Variants in NFILZ observed in about 807,000 individuals in gnomAD.
The protein encoded by NFILZ is NFIL3 like basic leucine zipper, also known as NFIL3 like protein.
chr19:8,656,304 C>CT (rs1316552025), intron 3 of NFILZ, among the ~76,000 whole-genome samples: 4,724 of 38,726 alleles, frequency 0.12, 906 homozygotes, highest in South Asian at 0.27. Context: ...CACCTCCTCC[C>CT]GCAGCGCACC....
chr19:8,663,740 G>GTGTGTGTGTATGTGTGTGTATGTGTGTA (rs2043046066), intron 3 of NFILZ, among the ~76,000 whole-genome samples: 14 of 131,646 alleles, frequency 1.1e-4, no homozygotes, highest in Non-Finnish European at 2.1e-4. Context: ...GTGTGTGTGT[G>GTGTGTGTGTATGTGTGTGTATGTGTGTA]TGTGTGTGTG....
intron 3 of NFILZ, among the ~76,000 whole-genome samples, chr19:8,646,110 C>T (rs782157777): frequency 2.0e-5 from 3 of 151,936 alleles, no homozygotes; most frequent in Non-Finnish European, 4.4e-5. Flanking sequence ...GATCTCGGCT[C>T]ACTACAACCT....
chr19:8,659,626 G>A (rs2043020647), intron 3 of NFILZ, among the ~76,000 whole-genome samples: 1 of 152,184 alleles, frequency 6.6e-6, no homozygotes, highest in Non-Finnish European at 1.5e-5. Context: ...AATCTGATAT[G>A]CATGGTAAAA....
At chr19:8,630,952 C>T (rs1399854904) in intron 1 of NFILZ, among the ~76,000 whole-genome samples, 12 of 152,114 alleles carry the variant, frequency 7.9e-5, no homozygotes, top group East Asian at 3.9e-4. Context: ...CTTGGATGCC[C>T]GGGTCGTGTT....
chr19:8,637,671 C>T (rs2042900762), intron 3 of NFILZ, among the ~76,000 whole-genome samples: 1 of 150,772 alleles, frequency 6.6e-6, no homozygotes, highest in African/African-American at 2.4e-5. Flanking sequence ...CTTTGGGAGG[C>T]TGAGGCATGT....
rs140160980 is a variant in NFILZ at position 8,658,223 on chromosome 19, C to T, written c.-163-16328C>T. Reference sequence around the variant, plus strand: ...GGTGTTACAACCACCACTTCCGAGCCGGGAGCTCCTGGGCCCAAGCCTCTT... The same window carrying T: ...GGTGTTACAACCACCACTTCCGAGCTGGGAGCTCCTGGGCCCAAGCCTCTT... On this transcript the variant is annotated intron_variant, in intron 3 of 5. Coordinates refer to ENST00000691075, the MANE Select transcript of NFILZ (RefSeq NM_001378600.1). Among the ~76,000 whole-genome samples, 1,259 of 152,260 alleles carry T rather than the reference C, an allele frequency of 8.3e-3. 18 individuals carry two copies. The highest frequency in any genetic ancestry group is 0.029 in the African/African-American group (1,203 of 41,538).
Position 8,680,161 on chromosome 19 carries a change from A to C in NFILZ, c.*2526A>C, listed in dbSNP as rs1229066229. Among the ~76,000 whole-genome samples, 1 of 147,248 alleles carries C rather than the reference A, an allele frequency of 6.8e-6. No homozygotes were observed. Among genetic ancestry groups the C allele is most frequent in the Non-Finnish European group, 1.5e-5 (1 of 67,278 alleles). On this transcript the variant is annotated 3_prime_UTR_variant, in exon 6 of 6. Transcript: ENST00000691075. ...CAGCGAGCTGAGATTGCACCACTGC[A>C]GTCCAGCCTGGGCGACAGAGCGAGA...
At chr19:8,664,398 C>A (rs964870383) in intron 3 of NFILZ, among the ~76,000 whole-genome samples, 1 of 150,138 alleles carries the variant, frequency 6.7e-6, no homozygotes, top group Non-Finnish European at 1.5e-5. Flanking sequence ...TCCTGGCACT[C>A]GGGACCCCAG....
At chr19:8,663,744 G>GTATGTGTGTGTA (rs1555749450) in intron 3 of NFILZ, among the ~76,000 whole-genome samples, 8 of 121,880 alleles carry the variant, frequency 6.6e-5, no homozygotes, top group African/African-American at 1.8e-4. Context: ...GTGTGTGTGT[G>GTATGTGTGTGTA]TGTGTGTGTG....
chr19:8,654,874 G>C (rs1014230193), intron 3 of NFILZ, among the ~76,000 whole-genome samples: 1 of 151,972 alleles, frequency 6.6e-6, no homozygotes, highest in African/African-American at 2.4e-5. Flanking sequence ...TCATCGCAAG[G>C]CTCCCACTCT....
chr19:8,644,654 G>A (rs1329559844), intron 3 of NFILZ, among the ~76,000 whole-genome samples: 1 of 151,008 alleles, frequency 6.6e-6, no homozygotes, highest in Non-Finnish European at 1.5e-5. Flanking sequence ...TTGTAGAGAT[G>A]GGGGTCTTAC....
At chr19:8,656,947 T>C (rs1210401354) in intron 3 of NFILZ, among the ~76,000 whole-genome samples, 2 of 152,112 alleles carry the variant, frequency 1.3e-5, no homozygotes, top group African/African-American at 2.4e-5. Context: ...CCAGTCACCG[T>C]GCTGAAGGTC....
At chr19:8,655,982 C>T (rs1384113776) in intron 3 of NFILZ, among the ~76,000 whole-genome samples, 1 of 151,966 alleles carries the variant, frequency 6.6e-6, no homozygotes, top group Non-Finnish European at 1.5e-5. Flanking sequence ...TCTCTGCTGC[C>T]CCATCCAAGC....
chr19:8,665,906 G>A (rs577102050), intron 3 of NFILZ, among the ~76,000 whole-genome samples: 10 of 152,264 alleles, frequency 6.6e-5, no homozygotes, highest in East Asian at 1.9e-4. Flanking sequence ...TCTTACACTC[G>A]CTGGAGAGTT....
intron 3 of NFILZ, among the ~76,000 whole-genome samples, chr19:8,645,738 G>A (rs1223971014): frequency 6.6e-6 from 1 of 152,124 alleles, no homozygotes; most frequent in Non-Finnish European, 1.5e-5. Flanking sequence ...AAGGATTGGG[G>A]CGTTAGCTGC....
At chr19:8,648,852 TAAA>T (rs71179876) in intron 3 of NFILZ, among the ~76,000 whole-genome samples, 3 of 139,166 alleles carry the variant, frequency 2.2e-5, no homozygotes, top group Non-Finnish European at 1.6e-5. Flanking sequence ...AGACTCTGCT[TAAA>T]AAAAAAAAAA....
At chr19:8,638,854 T>C (rs1261672247) in intron 3 of NFILZ, among the ~76,000 whole-genome samples, 1 of 150,892 alleles carries the variant, frequency 6.6e-6, no homozygotes, top group Non-Finnish European at 1.5e-5. Context: ...GTTTTTTTTT[T>C]TTTTTTTGAG....
At chr19:8,675,031 C>A (rs1384850962) in intron 4 of NFILZ, among the ~76,000 whole-genome samples, 1 of 152,144 alleles carries the variant, frequency 6.6e-6, no homozygotes, top group African/African-American at 2.4e-5. Context: ...AGGTTGTTTT[C>A]ATTCATGTGT....
At chr19:8,661,672 A>G (rs2043032482) in intron 3 of NFILZ, among the ~76,000 whole-genome samples, 1 of 152,178 alleles carries the variant, frequency 6.6e-6, no homozygotes, top group African/African-American at 2.4e-5. Flanking sequence ...AGGGTGGATC[A>G]TTTGAGGTCA....
Sources: gnomAD v4.1 joint callset for allele counts (sites outside exome capture counted in the v4.1 genomes callset) on GRCh38, gnomAD v4.1.1 for gene constraint, MANE v1.5 for transcripts, NCBI Gene and HGNC (gene_info 2026-07-23, HGNC 2026-07-21) for gene names.